The following FAM20A variants were observed in gnomAD, a reference collection of about 807,000 sequenced individuals.
FAM20A encodes the protein FAM20A golgi associated secretory pathway pseudokinase.
In FAM20A, 42 loss-of-function variants were observed where a neutral mutation model predicts 52.0. The ratio of observed to expected loss-of-function variants is 0.81; its 90% CI spans 0.63 to 1.04. The LOEUF (loss-of-function observed/expected upper bound fraction) is 1.04. Among genes scored for constraint, FAM20A ranks in the 50% least tolerant of loss-of-function variants. The pLI is 0.00. For synonymous variants in FAM20A, 304 were observed against 298.9 expected (o/e 1.02, Z -0.18); for missense variants, 742 against 712.7 (o/e 1.04, Z -0.47).
At chr17:68,592,708 C>A (rs924760752) in intron 1 of FAM20A, among the ~76,000 whole-genome samples, 1 of 152,216 alleles carries the variant, frequency 6.6e-6, no homozygotes, top group South Asian at 2.1e-4. Flanking sequence ...AGTCCATGTA[C>A]CCTGTGCCAA....
At chr17:68,582,221 G>A (rs958369950) in intron 1 of FAM20A, among the ~76,000 whole-genome samples, 4 of 152,230 alleles carry the variant, frequency 2.6e-5, no homozygotes, top group African/African-American at 9.6e-5. Context: ...GGGCTCAGCA[G>A]TTTGCACTGA....
Position 68,552,440 on chromosome 17 carries a change from A to C in FAM20A, c.641-489T>G, listed in dbSNP as rs370224715. ...TTGTTTATGCCTCTTTCTACTTAAG[A>C]CTGTACACCTGGGCTGGGACCAGGG... On this transcript the variant is annotated intron_variant, in intron 3 of 10. Coordinates refer to ENST00000592554, the MANE Select transcript of FAM20A (RefSeq NM_017565.4). 1.1e-4 allele frequency among the ~76,000 whole-genome samples: 17 copies of C among 152,158 alleles called. No homozygotes were observed. In the South Asian group the frequency reaches 3.5e-3, roughly 32 times the overall value.
chr17:68,575,554 A>G (rs1375856542), intron 1 of FAM20A, among the ~76,000 whole-genome samples: 2 of 106,836 alleles, frequency 1.9e-5, no homozygotes, highest in East Asian at 4.4e-4. Context: ...ATTATATAAT[A>G]TATATTTTAT....
intron 1 of FAM20A, among the ~76,000 whole-genome samples, chr17:68,578,940 G>T (rs778062980): frequency 6.7e-6 from 1 of 149,364 alleles, no homozygotes; most frequent in Admixed American, 6.7e-5. Context: ...GTTTGAACCC[G>T]GGAGGCAGAG....
chr17:68,546,723 G>A lies in FAM20A; in HGVS notation c.720-3002C>T, dbSNP rs560862883. 5.9e-5 allele frequency among the ~76,000 whole-genome samples: 9 copies of A among 152,026 alleles called. No individual in the cohort carries two copies. The South Asian group carries it at 1.5e-3, about 25-fold the overall frequency. On this transcript the variant is annotated intron_variant, in intron 4 of 10. Coordinates refer to ENST00000592554, the MANE Select transcript of FAM20A (RefSeq NM_017565.4). Reference sequence around the variant, plus strand: ...CCGGCGCCTGTAGTCCCAGCCACTCGGGAGGCTGAGGCAGGAGAATGGCGT... The same window carrying A: ...CCGGCGCCTGTAGTCCCAGCCACTCAGGAGGCTGAGGCAGGAGAATGGCGT...
chr17:68,562,679 A>C (rs1378560003), intron 1 of FAM20A, among the ~76,000 whole-genome samples: 1 of 151,928 alleles, frequency 6.6e-6, no homozygotes, highest in East Asian at 1.9e-4. Context: ...CCTGGCAAAA[A>C]AAATATTTCC....
chr17:68,582,093 C>T (rs2143863887), intron 1 of FAM20A, among the ~76,000 whole-genome samples: 1 of 152,192 alleles, frequency 6.6e-6, no homozygotes, highest in South Asian at 2.1e-4. Context: ...GGGAAGGTCT[C>T]CAGGGAGCAG....
intron 1 of FAM20A, among the ~76,000 whole-genome samples, chr17:68,560,068 C>A (rs1487369962): frequency 1.3e-5 from 2 of 152,064 alleles, no homozygotes; most frequent in Non-Finnish European, 2.9e-5. Flanking sequence ...GAGGGCAGAG[C>A]CCTCATGGGT....
At chr17:68,553,995 C>CATATAT (rs2086966415) in intron 3 of FAM20A, among the ~76,000 whole-genome samples, 1 of 126,930 alleles carries the variant, frequency 7.9e-6, no homozygotes, top group African/African-American at 3.0e-5. Context: ...TATACATATA[C>CATATAT]ACACATATAT....
chr17:68,543,478 G>T, intron 5 of FAM20A, 151 bp downstream of exon 5: 1 of 666,696 alleles, frequency 1.5e-6, no homozygotes. Context: ...GGGACATTTT[G>T]AGTTCAAAGA....
intron 1 of FAM20A, among the ~76,000 whole-genome samples, chr17:68,593,054 A>T (rs2088355908): frequency 6.6e-6 from 1 of 152,238 alleles, no homozygotes; most frequent in African/African-American, 2.4e-5. Flanking sequence ...CTGCCAAGTG[A>T]CAGGGCACAA....
At chr17:68,541,021 C>CA in intron 7 of FAM20A, 63 bp from the exon 8 acceptor site, 1 of 1,547,124 alleles carries the variant, frequency 6.5e-7, no homozygotes, top group Non-Finnish European at 8.7e-7. Flanking sequence ...GGGGGTCTCC[C>CA]CACACCTCCC....
intron 3 of FAM20A, among the ~76,000 whole-genome samples, chr17:68,554,014 A>ACATATATACACACATATG (rs1555824460): frequency 0.02 from 1,569 of 77,044 alleles, 50 homozygotes; most frequent in African/African-American, 0.084. Flanking sequence ...ATGCATATAT[A>ACATATATACACACATATG]CATATATACA....
At chr17:68,547,918 C>T (rs9904321) in intron 4 of FAM20A, among the ~76,000 whole-genome samples, 3,399 of 152,306 alleles carry the variant, frequency 0.022, 141 homozygotes, top group African/African-American at 0.078. Context: ...TTACTAGCCT[C>T]CTGAATAATT....
At chr17:68,589,336 G>C (rs1238386229) in intron 1 of FAM20A, among the ~76,000 whole-genome samples, 1 of 152,210 alleles carries the variant, frequency 6.6e-6, no homozygotes, top group Non-Finnish European at 1.5e-5. Context: ...GAACCATTCA[G>C]CTGAACCCAG....
Position 68,542,012 on chromosome 17 carries a change from C to T in FAM20A, c.1082G>A (p.Arg361His), listed in dbSNP as rs769508290. The change falls in exon 7 of 11, where the codon CGC becomes CAC. Residue 361 changes from arginine (R) to histidine (H), a missense_variant. Coordinates refer to ENST00000592554, the MANE Select transcript of FAM20A (RefSeq NM_017565.4). ...CTCTTTTCCTGCCAGTGTGTAGGAG[C>T]GGATCCAGGGGTTGGGCACAGACAG... ...PRLSVPNPWI[R>H]SYTLAGKEEW... 62 of 1,613,878 alleles carry T rather than the reference C, an allele frequency of 3.8e-5. No individual in the cohort carries two copies. The highest frequency in any genetic ancestry group is 1.1e-4 in the East Asian group (5 of 44,874).
At position 68,600,140 on chromosome 17, in the gene FAM20A, GGCTGGAGCCGTGGGTGGAGCC is replaced by G; in HGVS notation, c.404+102_404+122del. 1.7e-6 allele frequency: 2 copies of G among 1,192,528 alleles called. No homozygotes were observed. The highest frequency in any genetic ancestry group is 2.3e-6 in the Non-Finnish European group (2 of 867,758). The allele number at this position is 1,192,528 out of a possible 1,614,324, so 73.9% of individuals were successfully genotyped here. A position where few individuals can be genotyped will look rare whatever the true frequency, so the allele number is the denominator to read the frequency against. The stretch of plus-strand genomic sequence containing the variant: ...GAACACACTCTAAGCCCAGCGCCAG[GGCTGGAGCCGTGGGTGGAGCC>G]GCTGCAGCCCTGGGCCGGGGGCGTC... On this transcript the variant is annotated intron_variant, in intron 1 of 10. Coordinates refer to ENST00000592554, the MANE Select transcript of FAM20A (RefSeq NM_017565.4). The surrounding 1 kb of genome is among the most constrained non-coding windows in gnomAD (Gnocchi z 6.2).
chr17:68,537,391 CAGGT>C lies in FAM20A; in HGVS notation c.*82_*85del, dbSNP rs774092491. ...TAGCTGACTTGACTCCCAGCAGTAACAGGTGGGAGTGAGGACGCAGGGTCGGCAC... is the reference window on the plus strand; with the variant it reads ...TAGCTGACTTGACTCCCAGCAGTAACGGGAGTGAGGACGCAGGGTCGGCAC... On this transcript the variant is annotated 3_prime_UTR_variant, in exon 11 of 11. Coordinates refer to ENST00000592554, the MANE Select transcript of FAM20A (RefSeq NM_017565.4). The surrounding 1 kb of genome is among the most constrained non-coding windows in gnomAD (Gnocchi z 4.2). 22 of 1,559,966 alleles carry C rather than the reference CAGGT, an allele frequency of 1.4e-5. 2 individuals carry two copies. In the South Asian group the frequency reaches 2.4e-4, roughly 17 times the overall value.
At chr17:68,573,618 C>T (rs1035559418) in intron 1 of FAM20A, among the ~76,000 whole-genome samples, 4 of 148,672 alleles carry the variant, frequency 2.7e-5, no homozygotes, top group Non-Finnish European at 5.9e-5. Context: ...TTTCTTCCTT[C>T]CTTCCCTCCC....
Sources: gnomAD v4.1 joint callset for allele counts (sites outside exome capture counted in the v4.1 genomes callset) on GRCh38, gnomAD v4.1.1 for gene constraint, Gnocchi (gnomAD v3.1) non-coding constraint, MANE v1.5 for transcripts, NCBI Gene and HGNC (gene_info 2026-07-23, HGNC 2026-07-21) for gene names.